Variants in HSPA12A observed in about 807,000 individuals in gnomAD.
HSPA12A encodes the protein heat shock protein family A (Hsp70) member 12A, also known as heat shock 70 kDa protein 12A.
HSPA12A carries 28 observed loss-of-function variants against 69.2 expected under a neutral mutation model. That is an observed-to-expected ratio of 0.40 (90% CI 0.30 to 0.55). The LOEUF (loss-of-function observed/expected upper bound fraction) is 0.55, where lower values mean the gene tolerates loss of function less well. Ranked by LOEUF, HSPA12A falls within the 20% of genes least tolerant of loss-of-function variation. HSPA12A has a pLI of 0.38. For missense variants in HSPA12A, 686 were observed against 900.7 expected, an observed-to-expected ratio of 0.76 and a Z score of 3.05; for synonymous variants, 345 against 370.5, an observed-to-expected ratio of 0.93 and a Z score of 0.79.
At chr10:116,811,240 T>C (rs1845175241) in intron 2 of HSPA12A, among the ~76,000 whole-genome samples, 2 of 152,034 alleles carry the variant, frequency 1.3e-5, no homozygotes, top group Admixed American at 6.5e-5. Flanking sequence ...GGCTGGAGCT[T>C]GGTAAGCAAG....
chr10:116,794,465 A>G (rs1267255774), intron 2 of HSPA12A, among the ~76,000 whole-genome samples: 1 of 152,192 alleles, frequency 6.6e-6, no homozygotes, highest in Non-Finnish European at 1.5e-5. Flanking sequence ...GACTGAACAC[A>G]TGCAGATCAC....
chr10:116,740,096 C>CT (rs1554886841), intron 1 of HSPA12A, among the ~76,000 whole-genome samples: 1 of 152,124 alleles, frequency 6.6e-6, no homozygotes, highest in Admixed American at 6.5e-5. Context: ...TTTTTATGTC[C>CT]TTAATAGAGT....
intron 2 of HSPA12A, among the ~76,000 whole-genome samples, chr10:116,774,168 C>T (rs1554890834): frequency 6.6e-6 from 1 of 152,086 alleles, no homozygotes; most frequent in Non-Finnish European, 1.5e-5. Flanking sequence ...CGCCACTACG[C>T]CCGGCTAATT....
At chr10:116,835,283 T>C (rs1845689556) in intron 1 of HSPA12A, 1 of 212,254 alleles carries the variant, frequency 4.7e-6, no homozygotes, top group African/African-American at 2.3e-5. Flanking sequence ...AATGCCTTAC[T>C]ACATCAAGAA....
At chr10:116,794,872 A>G (rs897365936) in intron 2 of HSPA12A, among the ~76,000 whole-genome samples, 2 of 152,212 alleles carry the variant, frequency 1.3e-5, no homozygotes, top group African/African-American at 2.4e-5. Flanking sequence ...TAAGAAATAC[A>G]TTTTTAAATA....
At chr10:116,740,465 G>A (rs1217946986) in intron 1 of HSPA12A, among the ~76,000 whole-genome samples, 1 of 152,184 alleles carries the variant, frequency 6.6e-6, no homozygotes, top group Non-Finnish European at 1.5e-5. Flanking sequence ...CGCTCTTCAG[G>A]TTGGTCTCTG....
At position 116,802,723 on chromosome 10, in the gene HSPA12A, A is replaced by G. The variant is rs553712173; in HGVS notation, c.91+32212T>C. ...TCCCAGAAGGCCACTGAGCAGAGGC[A>G]GGCTGCCCCGATCACGGCTTGCCTA... On this transcript the variant is annotated intron_variant, in intron 2 of 12. Coordinates refer to the HSPA12A transcript ENST00000635765. 2.7e-3 allele frequency among the ~76,000 whole-genome samples: 406 copies of G among 152,368 alleles called. 1 individual carries two copies. The highest frequency in any genetic ancestry group is 9.0e-3 in the African/African-American group (374 of 41,590).
At chr10:116,826,900 C>T (rs935596737) in intron 2 of HSPA12A, among the ~76,000 whole-genome samples, 4 of 152,108 alleles carry the variant, frequency 2.6e-5, no homozygotes, top group African/African-American at 7.2e-5. Context: ...CCCAATGAGG[C>T]GGATACTTAG....
intron 5 of HSPA12A, among the ~76,000 whole-genome samples, 180 bp from the exon 6 acceptor site, chr10:116,692,647 G>C (rs1166623524): frequency 4.6e-5 from 7 of 152,160 alleles, no homozygotes; most frequent in African/African-American, 1.7e-4. Flanking sequence ...CTGCAAGCCG[G>C]GAGCTCTAGC....
chr10:116,732,324 A>AAAC (rs1554885895), intron 1 of HSPA12A, among the ~76,000 whole-genome samples: 1 of 27,456 alleles, frequency 3.6e-5, no homozygotes, highest in Non-Finnish European at 9.3e-5. Flanking sequence ...CGTCTCAAAA[A>AAAC]AAACAAAGAA....
chr10:116,688,323 AG>A (rs1849637372), intron 6 of HSPA12A, among the ~76,000 whole-genome samples: 1 of 152,186 alleles, frequency 6.6e-6, no homozygotes, highest in African/African-American at 2.4e-5. Flanking sequence ...TTCTACATAC[AG>A]GAAGTATCTG....
intron 1 of HSPA12A, among the ~76,000 whole-genome samples, chr10:116,740,695 TGC>T (rs1851471956): frequency 3.9e-5 from 5 of 129,164 alleles, no homozygotes; most frequent in South Asian, 2.6e-4. Flanking sequence ...TGTGTGTGTG[TGC>T]GTGTGTGTGT....
At chr10:116,845,826 C>G (rs1025286729) in intron 1 of HSPA12A, among the ~76,000 whole-genome samples, 2 of 152,088 alleles carry the variant, frequency 1.3e-5, no homozygotes, top group Non-Finnish European at 2.9e-5. Context: ...AGCTAAAACC[C>G]CACAAATATT....
chr10:116,682,832 C>G (rs1177775907), intron 7 of HSPA12A, among the ~76,000 whole-genome samples: 2 of 151,060 alleles, frequency 1.3e-5, no homozygotes, highest in Non-Finnish European at 2.9e-5. Flanking sequence ...TCCCAAGTAG[C>G]TGGGACTACA....
chr10:116,742,593 T>A, upstream of HSPA12A: 2 of 1,114,644 alleles, frequency 1.8e-6, no homozygotes, highest in East Asian at 5.0e-5. Context: ...GGAGCGCTGC[T>A]CTGACGCGGC....
In HSPA12A at chr10:116,686,740, G is replaced by GT. The variant is rs1208648156; in HGVS notation, c.664-2779dup. Among the ~76,000 whole-genome samples, 1 of 151,828 alleles carries GT rather than the reference G, an allele frequency of 6.6e-6. No individual in the cohort carries two copies. The highest frequency in any genetic ancestry group is 2.4e-5 in the African/African-American group (1 of 41,314). On this transcript the variant is annotated intron_variant, in intron 6 of 11. Transcript: ENST00000369209. This position sits in a 1 kb window ranked among gnomAD's most constrained non-coding sequence, Gnocchi z 4.1. ...GCCCCTTGTCCCCTCTTCCCACACT[G>GT]TAAGTCCCACTCCTCATCCCTCTTC...
chr10:116,744,149 C>T (rs782525013), upstream of HSPA12A, among the ~76,000 whole-genome samples: 7 of 152,228 alleles, frequency 4.6e-5, no homozygotes, highest in Non-Finnish European at 8.8e-5. Context: ...GCTCCAGCTA[C>T]AGCCGCTCTG....
intron 1 of HSPA12A, among the ~76,000 whole-genome samples, chr10:116,714,378 A>C (rs1313085212): frequency 6.6e-6 from 1 of 152,074 alleles, no homozygotes; most frequent in Non-Finnish European, 1.5e-5. Context: ...TAAAACCACC[A>C]CTGCTCCCAG....
chr10:116,771,885 T>C (rs1554890532), intron 2 of HSPA12A, among the ~76,000 whole-genome samples: 1 of 152,174 alleles, frequency 6.6e-6, no homozygotes, highest in Non-Finnish European at 1.5e-5. Flanking sequence ...TGGCATCCTC[T>C]GGGGCCTATA....
Sources: gnomAD v4.1 joint callset for allele counts (sites outside exome capture counted in the v4.1 genomes callset) on GRCh38, gnomAD v4.1.1 for gene constraint, Gnocchi (gnomAD v3.1) non-coding constraint, MANE v1.5 for transcripts, NCBI Gene and HGNC (gene_info 2026-07-23, HGNC 2026-07-21) for gene names.